NEGR1: variants seen among roughly 807,000 people sequenced by gnomAD.
NEGR1 encodes the protein IgLON family member 4.
NEGR1 carries 10 observed loss-of-function variants against 40.9 expected under a neutral mutation model. The ratio of observed to expected loss-of-function variants is 0.24; its 90% CI spans 0.15 to 0.42. The LOEUF (loss-of-function observed/expected upper bound fraction) is 0.42. Among genes scored for constraint, NEGR1 ranks in the 10% least tolerant of loss-of-function variants. The pLI is 1.00. For synonymous variants in NEGR1, 185 were observed against 166.8 expected, an observed-to-expected ratio of 1.11 and a Z score of -0.84; for missense variants, 352 against 438.9, an observed-to-expected ratio of 0.80 and a Z score of 1.77.
chr1:71,562,181 G>T (rs990338833), intron 6 of NEGR1, among the ~76,000 whole-genome samples: 4 of 151,490 alleles, frequency 2.6e-5, no homozygotes, highest in Admixed American at 6.6e-5. Context: ...AAGATTATCG[G>T]GCAAAATAAT....
At position 72,222,992 on chromosome 1, in the gene NEGR1, C is replaced by A. The variant is rs532247538; in HGVS notation, c.176+59327G>T. ...ATCTAAACTGTCTACCTGGGAGCCA[C>A]TATGTTGTGCCTACTGGACATTTAA... On this transcript the variant is annotated intron_variant, in intron 1 of 6. Coordinates refer to ENST00000357731, the MANE Select transcript of NEGR1 (RefSeq NM_173808.3). 3.9e-5 allele frequency among the ~76,000 whole-genome samples: 6 copies of A among 152,228 alleles called. No individual in the cohort carries two copies. In the South Asian group the frequency reaches 1.2e-3, roughly 32 times the overall value.
At chr1:72,193,372 C>A (rs777752730) in intron 1 of NEGR1, among the ~76,000 whole-genome samples, 1 of 151,708 alleles carries the variant, frequency 6.6e-6, no homozygotes, top group Admixed American at 6.6e-5. Context: ...AGCACACAAT[C>A]AGGAATATCT....
At chr1:71,526,296 A>C (rs902835979) in intron 6 of NEGR1, among the ~76,000 whole-genome samples, 29 of 151,330 alleles carry the variant, frequency 1.9e-4, no homozygotes, top group Non-Finnish European at 3.3e-4. Flanking sequence ...TTAGGAAAAA[A>C]CCCTACAAAC....
intron 1 of NEGR1, among the ~76,000 whole-genome samples, chr1:72,226,434 C>T (rs971257513): frequency 5.9e-5 from 9 of 151,932 alleles, no homozygotes; most frequent in African/African-American, 2.2e-4. Context: ...CTTTCTGAAT[C>T]ATCAGTGTCA....
At chr1:71,780,647 T>C (rs895466589) in intron 2 of NEGR1, among the ~76,000 whole-genome samples, 1 of 152,214 alleles carries the variant, frequency 6.6e-6, no homozygotes, top group Non-Finnish European at 1.5e-5. Context: ...CTTGGTCCCT[T>C]GCATTCATAA....
At chr1:72,146,852 G>A (rs1221420725) in intron 1 of NEGR1, among the ~76,000 whole-genome samples, 2 of 152,098 alleles carry the variant, frequency 1.3e-5, no homozygotes, top group Admixed American at 1.3e-4. Flanking sequence ...GCCATTTACA[G>A]GTAATCACAT....
intron 6 of NEGR1, among the ~76,000 whole-genome samples, chr1:71,581,555 T>C (rs1649134158): frequency 6.6e-6 from 1 of 152,154 alleles, no homozygotes; most frequent in African/African-American, 2.4e-5. Context: ...GTCACATGCA[T>C]GGATTATAAT....
At chr1:71,990,748 C>G (rs1646442144) in intron 1 of NEGR1, among the ~76,000 whole-genome samples, 1 of 151,992 alleles carries the variant, frequency 6.6e-6, no homozygotes, top group South Asian at 2.1e-4. Context: ...GGATACATCT[C>G]TAATACTTCC....
intron 1 of NEGR1, among the ~76,000 whole-genome samples, chr1:72,069,475 T>A: frequency 6.6e-6 from 1 of 152,118 alleles, no homozygotes; most frequent in East Asian, 1.9e-4. Context: ...TTACTTATTA[T>A]AAGTATGAAT....
At chr1:71,894,387 CT>C (rs1660905204) in intron 2 of NEGR1, among the ~76,000 whole-genome samples, 1 of 152,138 alleles carries the variant, frequency 6.6e-6, no homozygotes, top group Non-Finnish European at 1.5e-5. Flanking sequence ...CTTTGAAGCA[CT>C]CTTCTAAAGT....
Position 71,403,159 on chromosome 1 carries a change from TA to T in NEGR1, c.*4286del, listed in dbSNP as rs1354632662. On this transcript the variant is annotated 3_prime_UTR_variant, in exon 7 of 7. Coordinates refer to ENST00000357731, the MANE Select transcript of NEGR1 (RefSeq NM_173808.3). The stretch of plus-strand genomic sequence containing the variant: ...ATGAACAGATATGGGAAAGAGGGCT[TA>T]AAAAATTCATTTGGCTTGAGATCTC... The T allele has an allele frequency of 2.0e-5, 3 of 152,120 alleles. No individual in the cohort carries two copies. Among genetic ancestry groups the T allele is most frequent in the Admixed American group, 6.6e-5 (1 of 15,262 alleles). The allele number at this position is 152,120 out of a possible 1,614,324, so 9.4% of individuals were successfully genotyped here.
intron 6 of NEGR1, among the ~76,000 whole-genome samples, chr1:71,544,963 A>T (rs1269485400): frequency 6.6e-6 from 1 of 151,640 alleles, no homozygotes; most frequent in East Asian, 2.0e-4. Context: ...AGGTTTCCTG[A>T]GTGCCTGGGC....
At chr1:71,673,590 T>G (rs1570181948) in intron 4 of NEGR1, among the ~76,000 whole-genome samples, 2 of 152,114 alleles carry the variant, frequency 1.3e-5, no homozygotes, top group Non-Finnish European at 2.9e-5. Context: ...ATTATTTCTC[T>G]TAAGGGAGAA....
chr1:71,567,924 A>T (rs1648674800), intron 6 of NEGR1, among the ~76,000 whole-genome samples: 1 of 152,026 alleles, frequency 6.6e-6, no homozygotes, highest in African/African-American at 2.4e-5. Flanking sequence ...AACCTGGAAG[A>T]GGGCCCTCAC....
chr1:71,990,452 C>T (rs982923488), intron 1 of NEGR1, among the ~76,000 whole-genome samples: 1 of 152,150 alleles, frequency 6.6e-6, no homozygotes, highest in African/African-American at 2.4e-5. Context: ...ATCACATCCT[C>T]TCTTCCCATT....
chr1:71,896,228 G>A (rs1033331532), intron 2 of NEGR1, among the ~76,000 whole-genome samples: 3 of 151,710 alleles, frequency 2.0e-5, no homozygotes, highest in Non-Finnish European at 4.4e-5. Context: ...AGTAGAGATG[G>A]GGTTTCACCA....
rs186794715 is a variant in NEGR1, at chr1:71,765,099, A to G, written c.535+11073T>C. Among the ~76,000 whole-genome samples, 461 of 152,196 alleles carry G rather than the reference A, an allele frequency of 3.0e-3. 4 individuals are homozygous for G. Among genetic ancestry groups the G allele is most frequent in the Non-Finnish European group, 3.0e-3 (207 of 68,022 alleles). On this transcript the variant is annotated intron_variant, in intron 3 of 6. Coordinates refer to ENST00000357731, the MANE Select transcript of NEGR1 (RefSeq NM_173808.3). ...CTACAGCTTTCTGAATCCTGGCAAA[A>G]CCATTACAACTGAGAAGTATGCTCA...
chr1:71,946,485 T>C (rs1197568046), intron 1 of NEGR1, among the ~76,000 whole-genome samples: 3 of 151,834 alleles, frequency 2.0e-5, no homozygotes, highest in Admixed American at 6.6e-5. Flanking sequence ...ATTTTAAATA[T>C]GTCCAAAGAA....
At chr1:71,435,540 A>G (rs553433842) in intron 6 of NEGR1, among the ~76,000 whole-genome samples, 2 of 152,218 alleles carry the variant, frequency 1.3e-5, no homozygotes, top group Non-Finnish European at 2.9e-5. Flanking sequence ...TGAAAAAAAA[A>G]AAGTCACAGA....
Sources: gnomAD v4.1 joint callset for allele counts (sites outside exome capture counted in the v4.1 genomes callset) on GRCh38, gnomAD v4.1.1 for gene constraint, MANE v1.5 for transcripts, NCBI Gene and HGNC (gene_info 2026-07-23, HGNC 2026-07-21) for gene names.